The following GPC5 variants were observed in gnomAD, a reference collection of about 807,000 sequenced individuals.
GPC5 encodes glypican 5.
GPC5 carries 47 observed loss-of-function variants against 53.9 expected under a neutral mutation model. The ratio of observed to expected loss-of-function variants is 0.87; its 90% CI spans 0.69 to 1.11. The LOEUF (loss-of-function observed/expected upper bound fraction) is 1.11, where lower values mean the gene tolerates loss of function less well. Among genes scored for constraint, GPC5 ranks in the 50% most tolerant of loss-of-function variants. The pLI is 0.00. For missense variants in GPC5, 748 were observed against 713.1 expected (o/e 1.05, Z -0.56); for synonymous variants, 286 against 263.3 (o/e 1.09, Z -0.84).
intron 5 of GPC5, among the ~76,000 whole-genome samples, chr13:91,815,668 G>A (rs927873911): frequency 3.3e-5 from 5 of 152,074 alleles, no homozygotes; most frequent in African/African-American, 7.2e-5. Context: ...TCTGCCTCCC[G>A]CTGTGCCTCC....
At chr13:92,044,050 A>G (rs1779264910) in intron 6 of GPC5, among the ~76,000 whole-genome samples, 1 of 152,116 alleles carries the variant, frequency 6.6e-6, no homozygotes, top group Non-Finnish European at 1.5e-5. Context: ...AACCATGGAG[A>G]GTTGACAGTT....
intron 7 of GPC5, among the ~76,000 whole-genome samples, chr13:92,283,066 A>G (rs1224582894): frequency 1.3e-5 from 2 of 152,206 alleles, no homozygotes; most frequent in Non-Finnish European, 2.9e-5. Context: ...AAGCAAATGG[A>G]AAACCAAAAT....
chr13:92,759,100 T>C (rs555110396), intron 7 of GPC5, among the ~76,000 whole-genome samples: 12 of 148,356 alleles, frequency 8.1e-5, no homozygotes, highest in Non-Finnish European at 1.8e-4. Context: ...ACTGGTCCAC[T>C]GGTCTGTTTG....
At chr13:92,112,291 C>T (rs1195042034) in intron 6 of GPC5, among the ~76,000 whole-genome samples, 2 of 151,510 alleles carry the variant, frequency 1.3e-5, no homozygotes, top group Admixed American at 1.3e-4. Context: ...TAACTCAGAA[C>T]ATATGAAAAA....
At chr13:91,782,549 C>G (rs761075281) in intron 5 of GPC5, among the ~76,000 whole-genome samples, 5 of 152,068 alleles carry the variant, frequency 3.3e-5, no homozygotes, top group Non-Finnish European at 5.9e-5. Flanking sequence ...ATGGGGGAAC[C>G]GCCCCCATGA....
intron 7 of GPC5, among the ~76,000 whole-genome samples, chr13:92,147,027 G>C (rs374655876): frequency 3.0e-4 from 46 of 152,024 alleles, no homozygotes; most frequent in African/African-American, 9.7e-4. Context: ...GACGTGACGT[G>C]AAGCCAGGAT....
chr13:92,188,178 A>G (rs190370351), intron 7 of GPC5, among the ~76,000 whole-genome samples: 20 of 152,310 alleles, frequency 1.3e-4, no homozygotes, highest in Admixed American at 1.2e-3. Context: ...GTAATATTTA[A>G]ACACCTGATT....
intron 7 of GPC5, among the ~76,000 whole-genome samples, chr13:92,507,516 A>G (rs941424832): frequency 5.3e-5 from 8 of 152,222 alleles, no homozygotes; most frequent in Non-Finnish European, 5.9e-5. Context: ...CTGGCAGAAT[A>G]GATGAAATCC....
At chr13:92,457,085 C>T (rs1385266077) in intron 7 of GPC5, among the ~76,000 whole-genome samples, 1 of 151,944 alleles carries the variant, frequency 6.6e-6, no homozygotes, top group Non-Finnish European at 1.5e-5. Flanking sequence ...CCCACTTACA[C>T]GTGAGAACAT....
chr13:92,516,757 T>G (rs1880800026), intron 7 of GPC5, among the ~76,000 whole-genome samples: 1 of 152,178 alleles, frequency 6.6e-6, no homozygotes, highest in Non-Finnish European at 1.5e-5. Flanking sequence ...GCATGAGCGA[T>G]GCAGGATGGG....
At chr13:92,585,027 G>A (rs75373494) in intron 7 of GPC5, among the ~76,000 whole-genome samples, 2 of 152,114 alleles carry the variant, frequency 1.3e-5, no homozygotes, top group African/African-American at 2.4e-5. Flanking sequence ...GGGTAAGGGG[G>A]GGCTCATGGA....
chr13:92,300,588 T>C (rs1594082818), intron 7 of GPC5, among the ~76,000 whole-genome samples: 1 of 152,258 alleles, frequency 6.6e-6, no homozygotes, highest in East Asian at 1.9e-4. Flanking sequence ...GAAAATAAAA[T>C]CAATAGGCAG....
intron 2 of GPC5, among the ~76,000 whole-genome samples, chr13:91,502,187 C>T (rs964974747): frequency 1.3e-5 from 2 of 151,940 alleles, no homozygotes; most frequent in South Asian, 2.1e-4. Context: ...TTCTCCCATT[C>T]TGTAGGTTGC....
chr13:92,072,676 TG>T (rs1046638400), intron 6 of GPC5, among the ~76,000 whole-genome samples: 6 of 151,008 alleles, frequency 4.0e-5, no homozygotes, highest in Non-Finnish European at 7.4e-5. Flanking sequence ...CATGCTCAAG[TG>T]GTTCTGGTGC....
At chr13:91,675,798 G>A (rs766977381) in intron 2 of GPC5, among the ~76,000 whole-genome samples, 2 of 152,190 alleles carry the variant, frequency 1.3e-5, no homozygotes, top group Non-Finnish European at 2.9e-5. Flanking sequence ...TCAGCTCCAT[G>A]TGTGATGGAA....
chr13:92,684,333 C>T (rs1289138191), intron 7 of GPC5, among the ~76,000 whole-genome samples: 1 of 151,934 alleles, frequency 6.6e-6, no homozygotes, highest in Non-Finnish European at 1.5e-5. Flanking sequence ...CGCAGTGGCA[C>T]GATCTCAGCT....
chr13:92,530,468 GT>G (rs1310163188), intron 7 of GPC5, among the ~76,000 whole-genome samples: 3 of 152,154 alleles, frequency 2.0e-5, no homozygotes, highest in Non-Finnish European at 4.4e-5. Context: ...TGGCATTGAA[GT>G]TTTTTTGTTT....
intron 7 of GPC5, among the ~76,000 whole-genome samples, chr13:92,365,906 G>T (rs2043604004): frequency 6.6e-6 from 1 of 151,162 alleles, no homozygotes. Context: ...TAAAAAAAAA[G>T]AAAAAAGCAT....
intron 7 of GPC5, among the ~76,000 whole-genome samples, chr13:92,304,426 G>A (rs756569114): frequency 5.3e-5 from 8 of 151,868 alleles, no homozygotes; most frequent in East Asian, 1.9e-4. Context: ...GGATGGTCTC[G>A]ATCTCCTGAC....
Sources: gnomAD v4.1 joint callset for allele counts (sites outside exome capture counted in the v4.1 genomes callset) on GRCh38, gnomAD v4.1.1 for gene constraint, MANE v1.5 for transcripts, NCBI Gene and HGNC (gene_info 2026-07-23, HGNC 2026-07-21) for gene names.